The following SIRPA variants were observed in gnomAD, a reference collection of about 807,000 sequenced individuals.
SIRPA encodes the protein signal regulatory protein alpha.
In SIRPA, 9 loss-of-function variants were observed where a neutral mutation model predicts 50.3. That is an observed-to-expected ratio of 0.18 (90% CI 0.11 to 0.31). SIRPA has a LOEUF of 0.31. Among genes scored for constraint, SIRPA ranks in the 10% least tolerant of loss-of-function variants. The probability of loss-of-function intolerance (pLI) is 1.00; values close to 1 mark genes in which losing one functional copy is unlikely to be tolerated. For synonymous variants in SIRPA, 265 were observed against 284.1 expected (o/e 0.93, Z 0.68); for missense variants, 474 against 661.6 (o/e 0.72, Z 3.11).
Position 1,937,547 on chromosome 20 carries a change from C to G in SIRPA, c.1494C>G (p.Ser498Arg). The stretch of plus-strand genomic sequence containing the variant: ...AGCCGTCCTTCTCAGAGTACGCCAG[C>G]GTCCAGGTCCCGAGGAAGTGAATGG... ...KPEPSFSEYA[S>R]VQVPRK Residue 498 changes from serine (S) to arginine (R), a missense_variant, in exon 8 of 8, where the codon AGC (serine) becomes AGG (arginine). By Grantham distance (110) the Ser-to-Arg change is moderately radical. Coordinates refer to ENST00000358771, the MANE Select transcript of SIRPA (RefSeq NM_001040023.2). The surrounding 1 kb of genome is among the most constrained non-coding windows in gnomAD (Gnocchi z 8.3). The G allele has an allele frequency of 6.2e-7, 1 of 1,614,126 alleles. No homozygotes were observed. The highest frequency in any genetic ancestry group is 8.5e-7 in the Non-Finnish European group (1 of 1,180,012).
At chr20:1,895,347 G>A, upstream of SIRPA, 1 of 694,136 alleles carries the variant, frequency 1.4e-6, no homozygotes, top group Middle Eastern at 4.5e-4. Flanking sequence ...CAGCCGGGAG[G>A]GGGGAAGGGG....
At chr20:1,902,577 G>T (rs1047058585) in intron 1 of SIRPA, among the ~76,000 whole-genome samples, 1 of 152,188 alleles carries the variant, frequency 6.6e-6, no homozygotes, top group Non-Finnish European at 1.5e-5. Flanking sequence ...TCGTGCAGCA[G>T]ACATTCTAGT....
In SIRPA at chr20:1,934,644, A is replaced by T; in HGVS notation, c.1227-71A>T. ...ATATAGAAAATGGAGCCTAAATGTT[A>T]TTCTTATCAGTTTGCATGAGCACTT... On this transcript the variant is annotated intron_variant, in intron 6 of 7. Transcript: ENST00000358771. The surrounding 1 kb of genome is among the most constrained non-coding windows in gnomAD (Gnocchi z 4.6). 2 of 1,476,866 alleles carry T rather than the reference A, an allele frequency of 1.4e-6. No homozygotes were observed. Among genetic ancestry groups the T allele is most frequent in the Non-Finnish European group, 1.9e-6 (2 of 1,056,220 alleles). The allele number at this position is 1,476,866 out of a possible 1,614,324, so 91.5% of individuals were successfully genotyped here. A position where few individuals can be genotyped will look rare whatever the true frequency, so the allele number is the denominator to read the frequency against.
At chr20:1,917,087 C>T (rs976814738) in intron 2 of SIRPA, among the ~76,000 whole-genome samples, 2 of 152,192 alleles carry the variant, frequency 1.3e-5, no homozygotes, top group African/African-American at 4.8e-5. Flanking sequence ...TAGCAGAGTG[C>T]TCACTCCTCT....
In SIRPA at chr20:1,921,447, G is replaced by A. The variant is rs1240681171; in HGVS notation, c.489G>A (p.Gln163=). The change falls in exon 3 of 8, where the codon CAG becomes CAA. Residue 163 remains glutamine (Q), a synonymous_variant. Transcript: ENST00000358771. ...VSGPAARATP[Q]HTVSFTCESH... ...GCCCTGCGGCGAGGGCCACACCTCAGCACACAGTGAGCTTCACCTGCGAGT... is the reference window on the plus strand; with the variant it reads ...GCCCTGCGGCGAGGGCCACACCTCAACACACAGTGAGCTTCACCTGCGAGT... 13 of 1,613,840 alleles carry A rather than the reference G, an allele frequency of 8.1e-6. No homozygotes were observed. The South Asian group carries it at 1.4e-4, about 18-fold the overall frequency.
At chr20:1,935,987 A>G (rs1279091397) in intron 7 of SIRPA, among the ~76,000 whole-genome samples, 1 of 152,158 alleles carries the variant, frequency 6.6e-6, no homozygotes, top group Non-Finnish European at 1.5e-5. Flanking sequence ...AACTTTGTCC[A>G]CTTTATTGAA....
At chr20:1,902,948 G>A (rs1984311361) in intron 1 of SIRPA, among the ~76,000 whole-genome samples, 1 of 146,900 alleles carries the variant, frequency 6.8e-6, no homozygotes, top group South Asian at 2.2e-4. Context: ...GGAGGCAGAG[G>A]TTGCAGTGAG....
At chr20:1,896,037 C>CA (rs1983790997) in intron 1 of SIRPA, among the ~76,000 whole-genome samples, 1 of 152,216 alleles carries the variant, frequency 6.6e-6, no homozygotes, top group African/African-American at 2.4e-5. Flanking sequence ...CTCTGGTGCG[C>CA]AGAGTAAACC....
At chr20:1,901,138 T>C (rs1245592319) in intron 1 of SIRPA, among the ~76,000 whole-genome samples, 1 of 151,784 alleles carries the variant, frequency 6.6e-6, no homozygotes. Context: ...ATTTTTGTTT[T>C]TGTTTTTTCT....
rs151332671 is a variant in SIRPA, at chr20:1,932,206, G to C, written c.1227-2509G>C. On this transcript the variant is annotated intron_variant, in intron 6 of 7. Coordinates refer to ENST00000358771, the MANE Select transcript of SIRPA (RefSeq NM_001040023.2). The surrounding 1 kb of genome is among the most constrained non-coding windows in gnomAD (Gnocchi z 6.0). ...AAGCTCAGTGTCCGCTGAGGAGACA[G>C]GTTACCAGACAAGCTGGAAAGTTAA... Among the ~76,000 whole-genome samples, 23 of 152,312 alleles carry C rather than the reference G, an allele frequency of 1.5e-4. No homozygotes were observed. The highest frequency in any genetic ancestry group is 5.5e-4 in the African/African-American group (23 of 41,560).
At position 1,924,726 on chromosome 20, in the gene SIRPA, T is replaced by A. The variant is rs762970216; in HGVS notation, c.1088-38T>A. The A allele has an allele frequency of 8.3e-6, 13 of 1,560,566 alleles. No homozygotes were observed. Among genetic ancestry groups the A allele is most frequent in the East Asian group, 4.5e-5 (2 of 44,638 alleles). On this transcript the variant is annotated intron_variant, in intron 4 of 7. Coordinates refer to ENST00000358771, the MANE Select transcript of SIRPA (RefSeq NM_001040023.2). This position sits in a 1 kb window ranked among gnomAD's most constrained non-coding sequence, Gnocchi z 4.5. ...GGTGGGTTTGGTTTTCTGTTTTTAA[T>A]CTGCATACGTGAAGCCTCTATTCCA...
chr20:1,911,106 T>G (rs939447964), intron 1 of SIRPA, among the ~76,000 whole-genome samples: 1 of 152,234 alleles, frequency 6.6e-6, no homozygotes, highest in Non-Finnish European at 1.5e-5. Context: ...CCATTGTAAT[T>G]CTATACCATC....
chr20:1,914,266 T>C (rs1452522439), intron 1 of SIRPA, among the ~76,000 whole-genome samples: 1 of 152,154 alleles, frequency 6.6e-6, no homozygotes, highest in Non-Finnish European at 1.5e-5. Flanking sequence ...TCAAAACTGA[T>C]GGATAAATTA....
upstream of SIRPA, among the ~76,000 whole-genome samples, chr20:1,895,054 T>C (rs1983686787): frequency 6.7e-6 from 1 of 149,780 alleles, no homozygotes; most frequent in South Asian, 2.1e-4. Context: ...TCCCGCGCGG[T>C]CTGTCGGTCT....
Position 1,924,785 on chromosome 20 carries a change from G to A in SIRPA, c.1109G>A (p.Arg370Gln), listed in dbSNP as rs778218860. Residue 370 changes from arginine (R) to glutamine (Q), a missense_variant, in exon 5 of 8, where the codon CGG (arginine) becomes CAG (glutamine). By Grantham distance (43) the Arg-to-Gln change is conservative (BLOSUM62 1). Coordinates refer to ENST00000358771, the MANE Select transcript of SIRPA (RefSeq NM_001040023.2). This position sits in a 1 kb window ranked among gnomAD's most constrained non-coding sequence, Gnocchi z 4.5. ...TAAENTGSNE[R>Q]NIYIVVGVVC... ...CTAGAGAACACTGGATCTAATGAAC[G>A]GAACATCTATATTGTGGTGGGTGTG... 25 of 1,613,978 alleles carry A rather than the reference G, an allele frequency of 1.5e-5. No individual in the cohort carries two copies. The highest frequency in any genetic ancestry group is 1.9e-5 in the Non-Finnish European group (23 of 1,180,024).
At position 1,937,327 on chromosome 20, in the gene SIRPA, A is replaced by G. The variant is rs1450343462; in HGVS notation, c.1274A>G (p.Asn425Ser). ...KNAREITQDT[N>S]DITYADLNLP... ...TGGGTATCTTAAATCCAGGACACAA[A>G]TGATATCACATATGCAGACCTGAAC... Residue 425 changes from asparagine to serine, a missense_variant, in exon 8 of 8, where the codon AAT (asparagine) becomes AGT (serine). Asn to Ser is a conservative substitution (Grantham distance 46). Coordinates refer to ENST00000358771, the MANE Select transcript of SIRPA (RefSeq NM_001040023.2). The surrounding 1 kb of genome is among the most constrained non-coding windows in gnomAD (Gnocchi z 8.3). 1 of 1,612,734 alleles carries G rather than the reference A, an allele frequency of 6.2e-7. No individual in the cohort carries two copies. Among genetic ancestry groups the G allele is most frequent in the East Asian group, 2.2e-5 (1 of 44,798 alleles).
intron 3 of SIRPA, among the ~76,000 whole-genome samples, chr20:1,922,034 GT>G (rs1010788916): frequency 6.6e-6 from 1 of 152,222 alleles, no homozygotes; most frequent in Non-Finnish European, 1.5e-5. Context: ...TTTTGCTACA[GT>G]TACAACATTC....
At position 1,927,748 on chromosome 20, in the gene SIRPA, T is replaced by C; in HGVS notation, c.1202-127T>C. On this transcript the variant is annotated intron_variant, in intron 5 of 7. Coordinates refer to ENST00000358771, the MANE Select transcript of SIRPA (RefSeq NM_001040023.2). The surrounding 1 kb of genome is among the most constrained non-coding windows in gnomAD (Gnocchi z 6.5). ...GGGTGGGCATGGGGGTCTCCTGTGG[T>C]TCCAAGGATGTGATTACAGCATTTC... 1.2e-6 allele frequency: 1 copy of C among 842,168 alleles called. No homozygotes were observed. The highest frequency in any genetic ancestry group is 2.1e-6 in the Non-Finnish European group (1 of 485,584). 52.2% of individuals were successfully genotyped at this position (842,168 alleles called of 1,614,324 possible). A position where few individuals can be genotyped will look rare whatever the true frequency, so the allele number is the denominator to read the frequency against.
intron 5 of SIRPA, among the ~76,000 whole-genome samples, chr20:1,925,722 G>T (rs1312464917): frequency 6.6e-6 from 1 of 152,172 alleles, no homozygotes; most frequent in South Asian, 2.1e-4. Flanking sequence ...GTTTAGCAAC[G>T]CCTGTCTTGG....
Sources: allele counts gnomAD v4.1 joint callset (sites outside exome capture counted in the v4.1 genomes callset), GRCh38; gene constraint gnomAD v4.1.1; non-coding constraint Gnocchi (gnomAD v3.1); transcripts MANE v1.5; gene names NCBI Gene and HGNC (gene_info 2026-07-23, HGNC 2026-07-21).